Variants in WAS observed in about 807,000 individuals in gnomAD.
WAS encodes WASP actin nucleation promoting factor.
A neutral mutation model predicts 38.9 loss-of-function variants in WAS; 1 was observed. The observed-to-expected ratio is 0.03, with a 90% CI of 0.01 to 0.12. WAS has a LOEUF of 0.12. Ranked by LOEUF, WAS falls within the 10% of genes least tolerant of loss-of-function variation. The probability of loss-of-function intolerance (pLI) is 1.00; values close to 1 mark genes in which losing one functional copy is unlikely to be tolerated. For synonymous variants in WAS, 182 were observed against 173.6 expected (o/e 1.05, Z -0.38); for missense variants, 311 against 431.2 (o/e 0.72, Z 2.47).
At position 48,686,914 on chromosome X, in the gene WAS, G is replaced by A; in HGVS notation, c.693G>A (p.Lys231=). 8.3e-7 allele frequency: 1 copy of A among 1,210,818 alleles called. No individual in the cohort carries two copies. Among genetic ancestry groups the A allele is most frequent in the East Asian group, 3.0e-5 (1 of 33,798 alleles). ...CTGATAAGAAACGCTCAGGGAAGAA[G>A]AAGATCAGCAAAGCTGATATTGGTG... ...SPADKKRSGK[K]KISKADIGAP... The change falls in exon 7 of 12, where the codon AAG becomes AAA. Residue 231 remains lysine (K), a synonymous_variant. Transcript: ENST00000376701.
chrX:48,691,258 C>T lies in WAS; in HGVS notation c.*96C>T. 1.2e-6 allele frequency: 1 copy of T among 853,755 alleles called. No homozygotes were observed. Among genetic ancestry groups the T allele is most frequent in the South Asian group, 2.1e-5 (1 of 46,903 alleles). 70.4% of individuals were successfully genotyped at this position (853,755 alleles called of 1,213,427 possible). On this transcript the variant is annotated 3_prime_UTR_variant, in exon 12 of 12. Transcript: ENST00000376701. The stretch of plus-strand genomic sequence containing the variant: ...CACCCTCCACTCTCCTCTTCCAGGC[C>T]CCCAACCCCCCATTTCTTCCCCACC...
rs782286374 is a variant in WAS at position 48,686,945 on chromosome X, A to T, written c.724A>T (p.Ser242Cys). 4.6e-5 allele frequency: 55 copies of T among 1,201,938 alleles called. No individual in the cohort carries two copies. Among genetic ancestry groups the T allele is most frequent in the Middle Eastern group, 2.3e-4 (1 of 4,271 alleles). The change falls in exon 7 of 12, where the codon AGT (serine) becomes TGT (cysteine). Residue 242 changes from serine to cysteine, a missense_variant. Around this residue, in one of 4 missense-constraint regions of WAS, gnomAD observed 74 missense variants for 131.2 expected, o/e 0.56. Transcript: ENST00000376701. ...KISKADIGAP[S>C]GFKHVSHVGW... ...CAGCAAAGCTGATATTGGTGCACCC[A>T]GTGGATTCAAGTGAGAGCCACTCCC...
upstream of WAS, among the ~76,000 whole-genome samples, chrX:48,683,038 G>A (rs1193261753): frequency 9.0e-6 from 1 of 111,423 alleles, no homozygotes; most frequent in Admixed American, 9.5e-5. Context: ...TGGATCACAG[G>A]GGCTCGCTCT....
chrX:48,688,690 G>A lies in WAS; in HGVS notation c.962G>A (p.Arg321Gln), dbSNP rs782802310. ...CTTCCGCCGCCCCCACCGCCATCTCGAGGAGGGAACCAGCTCCCCCGGCCC... is the reference window on the plus strand; with the variant it reads ...CTTCCGCCGCCCCCACCGCCATCTCAAGGAGGGAACCAGCTCCCCCGGCCC... ...EPLPPPPPPSRGGNQLPRPPI... is the reference protein window; with the variant it reads ...EPLPPPPPPSQGGNQLPRPPI... Residue 321 changes from arginine (R) to glutamine (Q), a missense_variant, in exon 10 of 12, where the codon CGA becomes CAA. Transcript: ENST00000376701. 1.0e-5 allele frequency: 12 copies of A among 1,195,044 alleles called. No homozygotes were observed. Among genetic ancestry groups the A allele is most frequent in the Non-Finnish European group, 1.4e-5 (12 of 887,635 alleles).
At chrX:48,678,655 T>G (rs1303646837) in intron 1 of WAS, among the ~76,000 whole-genome samples, 10 of 111,017 alleles carry the variant, frequency 9.0e-5, no homozygotes, top group Non-Finnish European at 1.7e-4. Flanking sequence ...ACTCTCCTGC[T>G]GAGAGCAACC....
At position 48,688,823 on chromosome X, in the gene WAS, G is replaced by A. The variant is rs2062429065; in HGVS notation, c.1095G>A (p.Gly365=). 1 of 1,130,649 alleles carries A rather than the reference G, an allele frequency of 8.8e-7. No homozygotes were observed. The highest frequency in any genetic ancestry group is 1.2e-6 in the Non-Finnish European group (1 of 851,599). The allele number at this position is 1,130,649 out of a possible 1,213,427, so 93.2% of individuals were successfully genotyped here. A position where few individuals can be genotyped will look rare whatever the true frequency, so the allele number is the denominator to read the frequency against. The change falls in exon 10 of 12, where the codon GGG becomes GGA. Residue 365 remains glycine, a synonymous_variant. Transcript: ENST00000376701. ...TPRGPPPPGR[G]GPPPPPPPAT... ...GGGGACCCCCACCCCCAGGCCGAGGGGGCCCTCCACCACCACCCCCTCCAG... is the reference window on the plus strand; with the variant it reads ...GGGGACCCCCACCCCCAGGCCGAGGAGGCCCTCCACCACCACCCCCTCCAG...
At chrX:48,679,453 C>T (rs1176029485), upstream of WAS, among the ~76,000 whole-genome samples, 3 of 112,144 alleles carry the variant, frequency 2.7e-5, no homozygotes, top group South Asian at 3.6e-4. Context: ...ACCTTGGTAA[C>T]GAAATATCCA....
At chrX:48,680,463 A>T (rs1334238304), upstream of WAS, among the ~76,000 whole-genome samples, 5 of 111,334 alleles carry the variant, frequency 4.5e-5, no homozygotes, top group Non-Finnish European at 9.4e-5. Context: ...GGTCAGCACA[A>T]GATACAGGTC....
chrX:48,690,111 T>C (rs2062435085), intron 11 of WAS, among the ~76,000 whole-genome samples: 1 of 111,810 alleles, frequency 8.9e-6, no homozygotes, highest in Admixed American at 9.5e-5. Flanking sequence ...CATTATGACG[T>C]AACCTAATCT....
At chrX:48,687,994 C>T in intron 7 of WAS, 60 bp from the exon 8 acceptor site, 1 of 1,148,871 alleles carries the variant, frequency 8.7e-7, no homozygotes, top group South Asian at 1.9e-5. Context: ...GAGGGTTTCA[C>T]TATGAAGGGA....
rs367960760 is a variant in WAS, at chrX:48,688,049, C to T, written c.735-5C>T. 6 of 1,206,517 alleles carry T rather than the reference C, an allele frequency of 5.0e-6. No homozygotes were observed. The Admixed American group carries it at 1.3e-4, about 26-fold the overall frequency. On this transcript the variant is annotated splice_region_variant and splice_polypyrimidine_tract_variant and intron_variant, in intron 7 of 11. Transcript: ENST00000376701. ...GATTCACTGGAGTCTCTTCACCTCT[C>T]CCAGGCATGTCAGCCACGTGGGGTG...
chrX:48,683,755 GT>G, upstream of WAS: 1 of 1,128,323 alleles, frequency 8.9e-7, no homozygotes, highest in Non-Finnish European at 1.2e-6. Context: ...GTCCCTTGTG[GT>G]TTTTTGCATT....
chrX:48,690,547 C>T (rs782448330), intron 11 of WAS, among the ~76,000 whole-genome samples: 18 of 107,213 alleles, frequency 1.7e-4, no homozygotes, highest in Non-Finnish European at 2.9e-4. Flanking sequence ...TAGTATCAAC[C>T]TACTATAGGA....
At chrX:48,677,582 C>T (rs782064314) in intron 1 of WAS, among the ~76,000 whole-genome samples, 2 of 111,942 alleles carry the variant, frequency 1.8e-5, no homozygotes, top group Non-Finnish European at 3.8e-5. Context: ...AGCTGAGAAG[C>T]GCCAGGGCCA....
Position 48,688,650 on chromosome X carries a change from C to A in WAS, c.932-10C>A, listed in dbSNP as rs782164078. ...GAGAGTTACAGCTATGTGTTATACCCCCTCCACAGAGCCACTTCCGCCGCC... is the reference window on the plus strand; with the variant it reads ...GAGAGTTACAGCTATGTGTTATACCACCTCCACAGAGCCACTTCCGCCGCC... On this transcript the variant is annotated splice_polypyrimidine_tract_variant and intron_variant, in intron 9 of 11. Coordinates refer to ENST00000376701, the MANE Select transcript of WAS (RefSeq NM_000377.3). The A allele has an allele frequency of 3.3e-6, 4 of 1,208,367 alleles. No individual in the cohort carries two copies. Among genetic ancestry groups the A allele is most frequent in the Non-Finnish European group, 4.5e-6 (4 of 893,189 alleles).
rs1338084492 is a variant in WAS at position 48,685,850 on chromosome X, A to C, written c.463+14A>C. On this transcript the variant is annotated intron_variant, in intron 4 of 11. Transcript: ENST00000376701. ...GGCAAAGTGGAGGTGAGGAGGCCACAGGGGAGGAAAGGAAGTTGGGCAGAG... is the reference window on the plus strand; with the variant it reads ...GGCAAAGTGGAGGTGAGGAGGCCACCGGGGAGGAAAGGAAGTTGGGCAGAG... The C allele has an allele frequency of 1.4e-5, 17 of 1,202,631 alleles. No homozygotes were observed. In the Admixed American group the frequency reaches 2.7e-4, roughly 19 times the overall value.
chrX:48,680,883 A>C (rs1406313510), upstream of WAS, among the ~76,000 whole-genome samples: 1 of 112,045 alleles, frequency 8.9e-6, no homozygotes. Flanking sequence ...AACAACAACA[A>C]CAACACCAAC....
intron 1 of WAS, among the ~76,000 whole-genome samples, chrX:48,678,398 C>T (rs183490507): frequency 9.0e-6 from 1 of 111,552 alleles, no homozygotes; most frequent in East Asian, 2.8e-4. Context: ...GTGTGGAAGA[C>T]ACCCCCCATG....
rs374035804 is a variant in WAS at position 48,687,007 on chromosome X, A to G, written c.734+52A>G. 45 of 1,155,912 alleles carry G rather than the reference A, an allele frequency of 3.9e-5. No individual in the cohort carries two copies. The African/African-American group carries it at 7.7e-4, about 20-fold the overall frequency. ...CAGATTCCTGGGGGCAGAGGGGCAC[A>G]TGAACAAGTGGACAGCTGAGTGAAT... On this transcript the variant is annotated intron_variant, in intron 7 of 11. Coordinates refer to ENST00000376701, the MANE Select transcript of WAS (RefSeq NM_000377.3).
Sources: allele counts gnomAD v4.1 joint callset (sites outside exome capture counted in the v4.1 genomes callset), GRCh38; gene constraint gnomAD v4.1.1; regional missense constraint gnomAD v4.1.1; transcripts MANE v1.5; gene names NCBI Gene and HGNC (gene_info 2026-07-23, HGNC 2026-07-21).